Variants in NISCH observed in about 807,000 individuals in gnomAD.
NISCH encodes the protein I-1 receptor candidate protein.
NISCH carries 55 observed loss-of-function variants against 138.4 expected under a neutral mutation model. The observed-to-expected ratio is 0.40, with a 90% CI of 0.32 to 0.50. The LOEUF (loss-of-function observed/expected upper bound fraction) is 0.50, where lower values mean the gene tolerates loss of function less well. Ranked by LOEUF, NISCH falls within the 20% of genes least tolerant of loss-of-function variation. The probability of loss-of-function intolerance (pLI) is 0.71; values close to 1 mark genes in which losing one functional copy is unlikely to be tolerated. For missense variants in NISCH, 1,643 were observed against 2,005.5 expected (o/e 0.82, Z 3.45); for synonymous variants, 860 against 861.5 (o/e 1.00, Z 0.03).
In NISCH at chr3:52,489,610, T is replaced by C. The variant is rs1227198636; in HGVS notation, c.3388T>C (p.Ser1130Pro). ...CCCCTCGCACTTGCCTGCCTGCCCG[T>C]CGCTCCGGCACGTCGCCAGCCTGCG... is the stretch of plus-strand genomic sequence containing the variant. The part of the protein sequence containing the change: ...QIPSHLPACP[S>P]LRHVASLRGS... Residue 1130 changes from serine (S) to proline (P), a missense_variant, in exon 17 of 21, where the codon TCG becomes CCG. Physicochemically the swap from Ser to Pro is moderately conservative, Grantham distance 74 (BLOSUM62 -1). Transcript: ENST00000345716. 3.1e-6 allele frequency: 5 copies of C among 1,612,992 alleles called. No homozygotes were observed. The highest frequency in any genetic ancestry group is 3.4e-6 in the Non-Finnish European group (4 of 1,179,976).
intron 13 of NISCH, among the ~76,000 whole-genome samples, chr3:52,482,924 C>T (rs933907560): frequency 2.0e-5 from 3 of 152,060 alleles, no homozygotes; most frequent in South Asian, 2.1e-4. Flanking sequence ...TGGAGCCATG[C>T]GGGAGGATGA....
chr3:52,473,997 C>T (rs1435315733), intron 7 of NISCH, among the ~76,000 whole-genome samples, 168 bp downstream of exon 7: 1 of 152,218 alleles, frequency 6.6e-6, no homozygotes, highest in Non-Finnish European at 1.5e-5. Context: ...CAGCACTTGA[C>T]AGCCCCTGGG....
chr3:52,472,561 A>G (rs1046621000), intron 6 of NISCH, among the ~76,000 whole-genome samples, 163 bp downstream of exon 6: 1 of 152,208 alleles, frequency 6.6e-6, no homozygotes, highest in African/African-American at 2.4e-5. Flanking sequence ...AGGCGGAGAA[A>G]GAGAGGCCTC....
chr3:52,471,862 A>G lies in NISCH; in HGVS notation c.458A>G (p.Gln153Arg). Residue 153 changes from glutamine (Q) to arginine (R), a missense_variant, in exon 5 of 21, where the codon CAG (glutamine) becomes CGG (arginine). Transcript: ENST00000345716. The part of the protein sequence containing the change: ...AGEVFAIGPL[Q>R]LYAVTEQLQQ... ...GAGGTCTTTGCCATTGGACCCCTGCAGCTGTATGCCGTCACGGAGCAGCTG... is the reference window on the plus strand; with the variant it reads ...GAGGTCTTTGCCATTGGACCCCTGCGGCTGTATGCCGTCACGGAGCAGCTG... 6.2e-7 allele frequency: 1 copy of G among 1,613,908 alleles called. No homozygotes were observed. The highest frequency in any genetic ancestry group is 8.5e-7 in the Non-Finnish European group (1 of 1,179,944).
intron 4 of NISCH, 100 bp from the exon 5 acceptor site, chr3:52,471,714 T>C: frequency 7.0e-7 from 1 of 1,422,734 alleles, no homozygotes; most frequent in Non-Finnish European, 9.8e-7. Flanking sequence ...ACACAGTGGG[T>C]GCTTGCCAAC....
chr3:52,491,844 C>G, intron 20 of NISCH, 28 bp from the exon 21 acceptor site: 1 of 1,556,198 alleles, frequency 6.4e-7, no homozygotes. Context: ...CGGTTCCAGG[C>G]TATAGCCCAG....
chr3:52,491,026 A>G (rs1395869146), intron 19 of NISCH, among the ~76,000 whole-genome samples, 193 bp downstream of exon 19: 1 of 152,248 alleles, frequency 6.6e-6, no homozygotes, highest in Non-Finnish European at 1.5e-5. Context: ...GGCTCAGAGC[A>G]GGAGGTAGGG....
At chr3:52,463,389 A>T (rs1412739665) in intron 3 of NISCH, among the ~76,000 whole-genome samples, 1 of 152,216 alleles carries the variant, frequency 6.6e-6, no homozygotes, top group African/African-American at 2.4e-5. Flanking sequence ...ATTTTTGGCC[A>T]TTGCAAATGA....
chr3:52,492,192 G>C lies in NISCH; in HGVS notation c.4225G>C (p.Asp1409His), dbSNP rs144348444. Residue 1409 changes from aspartate (D) to histidine (H), a missense_variant, in exon 21 of 21, where the codon GAT (aspartate) becomes CAT (histidine). Physicochemically the swap from Asp to His is moderately conservative, Grantham distance 81. Coordinates refer to ENST00000345716, the MANE Select transcript of NISCH (RefSeq NM_007184.4). ...PPQRDRYRLDDGRRVRDLDRV... is the reference protein window; with the variant it reads ...PPQRDRYRLDHGRRVRDLDRV... ...GCAGAGAGACAGGTACCGGCTGGAC[G>C]ATGGCCGCCGCGTCCGGGACCTGGA... 2 of 1,612,974 alleles carry C rather than the reference G, an allele frequency of 1.2e-6. No homozygotes were observed. The highest frequency in any genetic ancestry group is 2.2e-5 in the East Asian group (1 of 44,898).
In NISCH at chr3:52,478,246, G is replaced by A; in HGVS notation, c.1137G>A (p.Leu379=). 1 of 1,614,088 alleles carries A rather than the reference G, an allele frequency of 6.2e-7. No individual in the cohort carries two copies. Among genetic ancestry groups the A allele is most frequent in the Admixed American group, 1.7e-5 (1 of 60,014 alleles). ...GTGGCCTGCACAAGCTCTACTCACTGGTCAACCTGGATCTCCGGGACAACA... is the reference window on the plus strand; with the variant it reads ...GTGGCCTGCACAAGCTCTACTCACTAGTCAACCTGGATCTCCGGGACAACA... ...SLSGLHKLYS[L]VNLDLRDNRI... is the part of the protein sequence containing the mutation. Residue 379 remains leucine, a synonymous_variant, in exon 10 of 21, where the codon CTG becomes CTA. Transcript: ENST00000345716.
intron 1 of NISCH, among the ~76,000 whole-genome samples, chr3:52,456,167 C>A (rs1706462429): frequency 6.6e-6 from 1 of 151,996 alleles, no homozygotes; most frequent in African/African-American, 2.4e-5. Context: ...TCAGGCTTCG[C>A]AGGCCTTGAA....
chr3:52,476,626 G>A, intron 8 of NISCH, 27 bp downstream of exon 8: 1 of 1,612,568 alleles, frequency 6.2e-7, no homozygotes, highest in Non-Finnish European at 8.5e-7. Flanking sequence ...AGGTGCCAGG[G>A]GTTTCTCTGG....
intron 6 of NISCH, among the ~76,000 whole-genome samples, chr3:52,472,618 A>G (rs1004919968): frequency 6.6e-6 from 1 of 152,224 alleles, no homozygotes. Flanking sequence ...CGTGAGCTGC[A>G]GGGGCGGTTA....
chr3:52,477,128 A>G (rs1459346030), intron 8 of NISCH, among the ~76,000 whole-genome samples: 1 of 152,272 alleles, frequency 6.6e-6, no homozygotes, highest in African/African-American at 2.4e-5. Context: ...TTGGTAAACT[A>G]TAACACACTA....
intron 13 of NISCH, chr3:52,480,806 C>T: frequency 6.7e-7 from 1 of 1,502,758 alleles, no homozygotes; most frequent in Non-Finnish European, 8.9e-7. Flanking sequence ...TCCCTGTGGA[C>T]CCATGGAAGA....
At chr3:52,491,721 C>T (rs1707569838) in intron 20 of NISCH, 151 bp from the exon 21 acceptor site, 1 of 1,146,604 alleles carries the variant, frequency 8.7e-7, no homozygotes, top group Admixed American at 2.4e-5. Context: ...CCAGTGCCTG[C>T]TTTGGGCTCC....
chr3:52,472,552 G>A (rs1039881858), intron 6 of NISCH, among the ~76,000 whole-genome samples, 154 bp downstream of exon 6: 3 of 152,226 alleles, frequency 2.0e-5, no homozygotes, highest in African/African-American at 7.2e-5. Flanking sequence ...GCCCTCTGAA[G>A]GCGGAGAAAG....
chr3:52,492,826 TTGTTGCTGTTGC>T lies in NISCH; in HGVS notation c.*374_*385del, dbSNP rs60665579. The stretch of plus-strand genomic sequence containing the variant: ...TTCCTGAAGTGTCGAGTCCAGTCCT[TTGTTGCTGTTGC>T]TGTTGCTGTTGCTGTTGCTGTTGCT... On this transcript the variant is annotated 3_prime_UTR_variant, in exon 21 of 21. Transcript: ENST00000345716. The T allele has an allele frequency of 6.9e-3, 1,450 of 208,802 alleles. 13 individuals carry two copies. The highest frequency in any genetic ancestry group is 0.047 in the East Asian group (364 of 7,724). 12.9% of individuals were successfully genotyped at this position (208,802 alleles called of 1,614,324 possible).
rs1276744481 is a variant in NISCH at position 52,468,065 on chromosome 3, GC to G, written c.361-2792del. Among the ~76,000 whole-genome samples the G allele has an allele frequency of 3.5e-5, 4 of 114,280 alleles. No homozygotes were observed. In the Admixed American group the frequency reaches 3.9e-4, roughly 11 times the overall value. 75.0% of individuals were successfully genotyped at this position (114,280 alleles called of 152,430 possible). On this transcript the variant is annotated intron_variant, in intron 3 of 20. Coordinates refer to ENST00000345716, the MANE Select transcript of NISCH (RefSeq NM_007184.4). ...ACTTGAGGTCAAGAGTTCAAGACCAGCCTGGCTAACATGGTGAAACCCATCT... is the reference window on the plus strand; with the variant it reads ...ACTTGAGGTCAAGAGTTCAAGACCAGCTGGCTAACATGGTGAAACCCATCT...
Sources: allele counts gnomAD v4.1 joint callset (sites outside exome capture counted in the v4.1 genomes callset), GRCh38; gene constraint gnomAD v4.1.1; transcripts MANE v1.5; gene names NCBI Gene and HGNC (gene_info 2026-07-23, HGNC 2026-07-21).